MEOX1: variants seen among roughly 807,000 people sequenced by gnomAD.
The protein encoded by MEOX1 is mesenchyme homeobox 1, also known as homeobox protein MOX-1.
MEOX1 carries 17 observed loss-of-function variants against 23.2 expected under a neutral mutation model. That is an observed-to-expected ratio of 0.73 (90% CI 0.50 to 1.10). The LOEUF is 1.10. MEOX1 is among the 50% of genes least tolerant of loss of function. MEOX1 has a pLI of 0.00. For missense variants in MEOX1, 333 were observed against 332.2 expected, an observed-to-expected ratio of 1.00 and a Z score of -0.02; for synonymous variants, 134 against 135.1, an observed-to-expected ratio of 0.99 and a Z score of 0.06.
intron 1 of MEOX1, among the ~76,000 whole-genome samples, chr17:43,648,665 G>A (rs1453446489): frequency 1.3e-5 from 2 of 151,740 alleles, no homozygotes; most frequent in Admixed American, 6.6e-5. Context: ...TGGAACATAA[G>A]CCTTGATGCC....
intron 1 of MEOX1, among the ~76,000 whole-genome samples, chr17:43,655,660 TAAA>T (rs57762377): frequency 1.0e-3 from 78 of 75,612 alleles, no homozygotes; most frequent in African/African-American, 1.6e-3. Context: ...CCTGTCTTTC[TAAA>T]AAAAAAAAAA....
intron 1 of MEOX1, among the ~76,000 whole-genome samples, chr17:43,648,126 G>A (rs62078582): frequency 0.33 from 50,147 of 152,122 alleles, 9,679 homozygotes; most frequent in Middle Eastern, 0.48. Context: ...GGAGCTGTTC[G>A]GTCACCCTGC....
chr17:43,655,159 C>T (rs1300971755), intron 1 of MEOX1, among the ~76,000 whole-genome samples: 2 of 151,974 alleles, frequency 1.3e-5, no homozygotes, highest in African/African-American at 4.8e-5. Context: ...CCTACATGTT[C>T]ATCAACAGAT....
At chr17:43,660,363 T>C (rs564228683) in intron 1 of MEOX1, among the ~76,000 whole-genome samples, 1 of 152,340 alleles carries the variant, frequency 6.6e-6, no homozygotes, top group Admixed American at 6.5e-5. Context: ...TGCCCATCCC[T>C]TGCAGCTCCT....
At chr17:43,651,961 T>C (rs1320608503) in intron 1 of MEOX1, among the ~76,000 whole-genome samples, 1 of 151,560 alleles carries the variant, frequency 6.6e-6, no homozygotes, top group African/African-American at 2.4e-5. Flanking sequence ...CGACTATACC[T>C]GATCAGGGGC....
At chr17:43,647,492 C>T (rs1343872000) in intron 1 of MEOX1, among the ~76,000 whole-genome samples, 2 of 152,194 alleles carry the variant, frequency 1.3e-5, no homozygotes, top group Admixed American at 6.5e-5. Context: ...AGAGCCAAGG[C>T]TCTCCATATC....
rs564415332 is a variant in MEOX1 at position 43,661,669 on chromosome 17, A to G, written c.-135T>C. ...GTTCAACAGAAAATTTACCCCAGGAACCAAAAAAAAAAAAAAACCCAAAAC... is the reference window on the plus strand; with the variant it reads ...GTTCAACAGAAAATTTACCCCAGGAGCCAAAAAAAAAAAAAAACCCAAAAC... On this transcript the variant is annotated 5_prime_UTR_variant, in exon 1 of 3. Transcript: ENST00000318579. 141 of 511,672 alleles carry G rather than the reference A, an allele frequency of 2.8e-4. No individual in the cohort carries two copies. The highest frequency in any genetic ancestry group is 5.4e-4 in the Middle Eastern group (1 of 1,864). 31.7% of individuals were successfully genotyped at this position (511,672 alleles called of 1,614,324 possible).
Position 43,647,299 on chromosome 17 carries a change from G to A in MEOX1, c.470-3639C>T, listed in dbSNP as rs113983090. ...GTACCTGGCACAACTGACCCCTACC[G>A]CGCCCCCAACCAGTTCTGCACATAA... On this transcript the variant is annotated intron_variant, in intron 1 of 2. Transcript: ENST00000318579. Among the ~76,000 whole-genome samples, 280 of 152,214 alleles carry A rather than the reference G, an allele frequency of 1.8e-3. 1 individual carries two copies. The highest frequency in any genetic ancestry group is 2.7e-3 in the Admixed American group (41 of 15,284).
chr17:43,647,056 T>C (rs1172677067), intron 1 of MEOX1, among the ~76,000 whole-genome samples: 1 of 152,218 alleles, frequency 6.6e-6, no homozygotes, highest in Non-Finnish European at 1.5e-5. Context: ...CGAGATGCCA[T>C]TGAAGGGCTG....
chr17:43,657,055 T>TTTCC (rs1277223376), intron 1 of MEOX1, among the ~76,000 whole-genome samples: 176 of 136,436 alleles, frequency 1.3e-3, no homozygotes, highest in African/African-American at 3.8e-3. Context: ...TCTTTCTTTC[T>TTTCC]TTCCTTCCTT....
In MEOX1 at chr17:43,641,975, G is replaced by A; in HGVS notation, c.700C>T (p.Pro234Ser). The A allele has an allele frequency of 6.2e-7, 1 of 1,614,004 alleles. No individual in the cohort carries two copies. The highest frequency in any genetic ancestry group is 8.5e-7 in the Non-Finnish European group (1 of 1,179,930). ...MKWKRVKGGQ[P>S]ISPNGQDPED... ...GGGTCCTGCCCATTGGGGGAGATGG[G>A]CTGACCTCCCTTCACACGCTTCCAC... The change falls in exon 3 of 3, where the codon CCC becomes TCC. Residue 234 changes from proline (P) to serine (S), a missense_variant. By Grantham distance (74) the Pro-to-Ser change is moderately conservative (BLOSUM62 -1). Transcript: ENST00000318579.
intron 1 of MEOX1, among the ~76,000 whole-genome samples, chr17:43,660,563 G>A (rs548313705): frequency 9.5e-4 from 144 of 152,322 alleles, no homozygotes; most frequent in African/African-American, 3.3e-3. Context: ...CTGCCTCTAG[G>A]CTCCTGGACA....
chr17:43,642,892 G>A (rs189652132), intron 2 of MEOX1, among the ~76,000 whole-genome samples: 197 of 152,310 alleles, frequency 1.3e-3, no homozygotes, highest in Middle Eastern at 0.01. Context: ...CAGACCGTAG[G>A]TCCCAACCTA....
Position 43,661,213 on chromosome 17 carries a change from C to T in MEOX1, c.322G>A (p.Gly108Ser). ...VSDARRRPNS[G>S]PAGGSKEMGT... ...ATTTCCTTGGAACCCCCTGCCGGGC[C>T]TGAGTTGGGCCTGCGCCGGGCGTCT... is the stretch of plus-strand genomic sequence containing the variant. The change falls in exon 1 of 3, where the codon GGC becomes AGC. Residue 108 changes from glycine to serine, a missense_variant. Gly to Ser is a moderately conservative substitution (Grantham distance 56). Coordinates refer to ENST00000318579, the MANE Select transcript of MEOX1 (RefSeq NM_004527.4). The T allele has an allele frequency of 6.2e-7, 1 of 1,609,128 alleles. No individual in the cohort carries two copies. Among genetic ancestry groups the T allele is most frequent in the South Asian group, 1.1e-5 (1 of 90,112 alleles).
At chr17:43,649,040 A>G (rs975001794) in intron 1 of MEOX1, among the ~76,000 whole-genome samples, 2 of 152,178 alleles carry the variant, frequency 1.3e-5, no homozygotes, top group African/African-American at 4.8e-5. Context: ...CCTCATTTGC[A>G]AAGCAGGAAT....
Position 43,661,143 on chromosome 17 carries a change from C to A in MEOX1, c.392G>T (p.Gly131Val). 1 of 1,552,016 alleles carries A rather than the reference C, an allele frequency of 6.4e-7. No individual in the cohort carries two copies. Among genetic ancestry groups the A allele is most frequent in the Non-Finnish European group, 8.7e-7 (1 of 1,152,368 alleles). ...GCTCCCAAGCACCCCGTAGTCATCG[C>A]CTGGGCCTCCTGTGGTGTCCACCAG... is the stretch of plus-strand genomic sequence containing the variant. ...LGLVDTTGGP[G>V]DDYGVLGSTA... Residue 131 changes from glycine to valine, a missense_variant, in exon 1 of 3, where the codon GGC (glycine) becomes GTC (valine). Coordinates refer to ENST00000318579, the MANE Select transcript of MEOX1 (RefSeq NM_004527.4).
At position 43,648,466 on chromosome 17, in the gene MEOX1, CAA is replaced by C. The variant is rs67553599; in HGVS notation, c.470-4808_470-4807del. Among the ~76,000 whole-genome samples, 857 of 107,446 alleles carry C rather than the reference CAA, an allele frequency of 8.0e-3. 6 individuals are homozygous for C. The highest frequency in any genetic ancestry group is 0.024 in the African/African-American group (749 of 31,864). 70.5% of individuals were successfully genotyped at this position (107,446 alleles called of 152,430 possible). A position where few individuals can be genotyped will look rare whatever the true frequency, so the allele number is the denominator to read the frequency against. ...TGGGCAACAGAGAAAGACTCTGTCT[CAA>C]AAAAAAAAAAAAAAAGAAAAGAAAA... On this transcript the variant is annotated intron_variant, in intron 1 of 2. Transcript: ENST00000318579.
intron 1 of MEOX1, among the ~76,000 whole-genome samples, chr17:43,646,379 G>C (rs1373447933): frequency 6.6e-6 from 1 of 152,204 alleles, no homozygotes; most frequent in Non-Finnish European, 1.5e-5. Flanking sequence ...CCCGGCCCAC[G>C]GGCCCGGAGA....
intron 1 of MEOX1, among the ~76,000 whole-genome samples, chr17:43,644,948 T>C (rs972618077): frequency 2.0e-5 from 3 of 151,830 alleles, no homozygotes; most frequent in African/African-American, 7.3e-5. Flanking sequence ...TTACAAACGG[T>C]AAAGTCCTGA....
Sources: allele counts gnomAD v4.1 joint callset (sites outside exome capture counted in the v4.1 genomes callset), GRCh38; gene constraint gnomAD v4.1.1; transcripts MANE v1.5; gene names NCBI Gene and HGNC (gene_info 2026-07-23, HGNC 2026-07-21).